The following SPHKAP variants were observed in gnomAD, a reference collection of about 807,000 sequenced individuals.
SPHKAP encodes the protein SPHK1 interactor, AKAP domain containing, also known as A-kinase anchor protein SPHKAP.
A neutral mutation model predicts 137.5 loss-of-function variants in SPHKAP; 67 were observed. The ratio of observed to expected loss-of-function variants is 0.49; its 90% CI spans 0.40 to 0.60. The LOEUF (loss-of-function observed/expected upper bound fraction) is 0.60. SPHKAP is among the 20% of genes least tolerant of loss of function. The pLI is 0.00. For missense variants in SPHKAP, 2,097 were observed against 2,069.3 expected, an observed-to-expected ratio of 1.01 and a Z score of -0.26; for synonymous variants, 813 against 785.3, an observed-to-expected ratio of 1.04 and a Z score of -0.59.
intron 3 of SPHKAP, among the ~76,000 whole-genome samples, chr2:228,075,408 C>T (rs1241171924): frequency 6.6e-6 from 1 of 151,862 alleles, no homozygotes; most frequent in Non-Finnish European, 1.5e-5. Context: ...TTTGAATTAC[C>T]AAAGGCTTGC....
At position 228,019,306 on chromosome 2, in the gene SPHKAP, T is replaced by C. The variant is rs1188791321; in HGVS notation, c.1548A>G (p.Thr516=). ...VIGTISSPQA[T]ERLKMEQVVS... ...CCACTTGCTCCATTTTGAGTCTTTCTGTGGCCTGTGGACTGGAAATAGTTC... is the reference window on the plus strand; with the variant it reads ...CCACTTGCTCCATTTTGAGTCTTTCCGTGGCCTGTGGACTGGAAATAGTTC... The change falls in exon 7 of 12, where the codon ACA becomes ACG. Residue 516 remains threonine, a synonymous_variant. Coordinates refer to ENST00000392056, the MANE Select transcript of SPHKAP (RefSeq NM_001142644.2). The C allele has an allele frequency of 1.2e-6, 2 of 1,614,048 alleles. No homozygotes were observed. Among genetic ancestry groups the C allele is most frequent in the Non-Finnish European group, 1.7e-6 (2 of 1,180,034 alleles).
At position 227,981,876 on chromosome 2, in the gene SPHKAP, G is replaced by T. The variant is rs1466428938; in HGVS notation, c.4960-16C>A. On this transcript the variant is annotated splice_polypyrimidine_tract_variant and intron_variant, in intron 11 of 11. Transcript: ENST00000392056. The stretch of plus-strand genomic sequence containing the variant: ...CATCTAGAAACTAAAATAAAACGGA[G>T]AGTTAGGGCTCACAGAGCACAGAGG... The T allele has an allele frequency of 2.5e-6, 4 of 1,610,154 alleles. No individual in the cohort carries two copies. Among genetic ancestry groups the T allele is most frequent in the Non-Finnish European group, 3.4e-6 (4 of 1,178,010 alleles).
chr2:228,162,724 G>T (rs913938940), intron 1 of SPHKAP, among the ~76,000 whole-genome samples: 1 of 152,024 alleles, frequency 6.6e-6, no homozygotes, highest in Non-Finnish European at 1.5e-5. Context: ...TTTAGACGGA[G>T]TTTTACTCTT....
chr2:228,109,175 C>T (rs764350805), intron 2 of SPHKAP: 5 of 183,850 alleles, frequency 2.7e-5, no homozygotes, highest in African/African-American at 4.8e-5. Flanking sequence ...GTTCTCTCAT[C>T]AAATCCAACA....
At chr2:228,090,041 G>T (rs551139327) in intron 3 of SPHKAP, among the ~76,000 whole-genome samples, 1 of 152,156 alleles carries the variant, frequency 6.6e-6, no homozygotes, top group Non-Finnish European at 1.5e-5. Context: ...TGGGAAGGGG[G>T]TTGCTGTCCT....
At chr2:228,149,429 G>T (rs1699866226) in intron 1 of SPHKAP, among the ~76,000 whole-genome samples, 1 of 152,188 alleles carries the variant, frequency 6.6e-6, no homozygotes, top group Admixed American at 6.5e-5. Flanking sequence ...TTGCCTGATA[G>T]TCACTGGTAA....
chr2:228,024,615 G>A (rs982294122), intron 5 of SPHKAP, among the ~76,000 whole-genome samples: 4 of 152,014 alleles, frequency 2.6e-5, no homozygotes, highest in Non-Finnish European at 5.9e-5. Context: ...ATTTTGAAGA[G>A]TTGAAGGATA....
intron 3 of SPHKAP, among the ~76,000 whole-genome samples, chr2:228,030,862 A>C (rs1695282783): frequency 6.6e-6 from 1 of 152,190 alleles, no homozygotes; most frequent in South Asian, 2.1e-4. Context: ...CTGATTTTTT[A>C]ACTTCCAGAT....
Position 228,018,933 on chromosome 2 carries a change from CCAGA to C in SPHKAP, c.1917_1920del (p.Phe639LeufsTer4), listed in dbSNP as rs1559350553. ...TCCATGATTCTCCTGTTCATGGAGT[CCAGA>C]AAGTCTCCAATGCTGCTGTAGGTAT... On this transcript the variant is annotated frameshift_variant, in exon 7 of 12. Transcript: ENST00000392056. LOFTEE classifies it high-confidence loss of function. 1 of 1,614,106 alleles carries C rather than the reference CCAGA, an allele frequency of 6.2e-7. No homozygotes were observed. The highest frequency in any genetic ancestry group is 8.5e-7 in the Non-Finnish European group (1 of 1,180,010).
Position 228,019,840 on chromosome 2 carries a change from C to G in SPHKAP, c.1014G>C (p.Leu338=), listed in dbSNP as rs1223962158. 1 of 1,614,072 alleles carries G rather than the reference C, an allele frequency of 6.2e-7. No homozygotes were observed. The highest frequency in any genetic ancestry group is 8.5e-7 in the Non-Finnish European group (1 of 1,180,038). Residue 338 remains leucine, a synonymous_variant, in exon 7 of 12, where the codon CTG becomes CTC. Coordinates refer to ENST00000392056, the MANE Select transcript of SPHKAP (RefSeq NM_001142644.2). ...AGAAATAAGCATCTTTTGGAATATA[C>G]AGTGCCTGTGATTTTTCCATTTGAC... is the stretch of plus-strand genomic sequence containing the variant. The part of the protein sequence containing the change: ...FKGQMEKSQA[L]YIPKDAYFSM...
At chr2:228,133,702 A>T (rs1699338991) in intron 1 of SPHKAP, among the ~76,000 whole-genome samples, 1 of 152,218 alleles carries the variant, frequency 6.6e-6, no homozygotes, top group South Asian at 2.1e-4. Context: ...TTAAATAAAC[A>T]ATTTATTTCT....
chr2:228,086,142 C>G (rs1203681892), intron 3 of SPHKAP, among the ~76,000 whole-genome samples: 5 of 151,926 alleles, frequency 3.3e-5, no homozygotes, highest in Non-Finnish European at 7.4e-5. Context: ...TTAGGACAAG[C>G]TTCCCAGTGA....
intron 5 of SPHKAP, among the ~76,000 whole-genome samples, chr2:228,024,342 GTT>G (rs56031418): frequency 0.015 from 1,917 of 124,522 alleles, 18 homozygotes; most frequent in Middle Eastern, 0.031. Context: ...TGCAGAGGCA[GTT>G]TTTTTTTTTT....
At chr2:227,986,847 A>T (rs1363210783) in intron 11 of SPHKAP, among the ~76,000 whole-genome samples, 1 of 152,130 alleles carries the variant, frequency 6.6e-6, no homozygotes, top group African/African-American at 2.4e-5. Context: ...AGCTCAGAGA[A>T]GCTCACTGAA....
At chr2:227,996,577 T>A (rs921290720) in intron 7 of SPHKAP, among the ~76,000 whole-genome samples, 94 of 152,310 alleles carry the variant, frequency 6.2e-4, no homozygotes, top group Non-Finnish European at 2.4e-4. Context: ...CAAGTCTGGA[T>A]CCCAGCCAGG....
chr2:227,987,810 A>G (rs1693267203), intron 11 of SPHKAP, among the ~76,000 whole-genome samples: 1 of 152,182 alleles, frequency 6.6e-6, no homozygotes, highest in Non-Finnish European at 1.5e-5. Context: ...TCACAAGGCA[A>G]GAAGGTTAGT....
intron 3 of SPHKAP, among the ~76,000 whole-genome samples, chr2:228,057,204 T>C (rs2106281630): frequency 6.6e-6 from 1 of 152,368 alleles, no homozygotes; most frequent in African/African-American, 2.4e-5. Context: ...CTATAAATCA[T>C]ACTTTAGCTA....
rs552266484 is a variant in SPHKAP at position 228,115,056 on chromosome 2, C to G, written c.139-6117G>C. Among the ~76,000 whole-genome samples, 28 of 152,244 alleles carry G rather than the reference C, an allele frequency of 1.8e-4. 1 individual carries two copies. The South Asian group carries it at 5.8e-3, about 32-fold the overall frequency. On this transcript the variant is annotated intron_variant, in intron 2 of 11. Transcript: ENST00000392056. ...GTGGATTTGTGTTGTCTGGATGTAT[C>G]AGGGCAGGTGGAGAAGACATGTCTC...
Position 228,016,456 on chromosome 2 carries a change from T to A in SPHKAP, c.4398A>T (p.Pro1466=), listed in dbSNP as rs376115586. Residue 1466 remains proline, a synonymous_variant, in exon 7 of 12, where the codon CCA becomes CCT. Coordinates refer to ENST00000392056, the MANE Select transcript of SPHKAP (RefSeq NM_001142644.2). ...AEGHSNDKNI[P]DVVRGGDTAV... ...CTGTGTCTCCACCTCTCACCACATC[T>A]GGGATGTTTTTGTCATTCGAATGCC... 70 of 1,611,768 alleles carry A rather than the reference T, an allele frequency of 4.3e-5. No individual in the cohort carries two copies. The highest frequency in any genetic ancestry group is 2.6e-5 in the Non-Finnish European group (31 of 1,179,238).
Sources: allele counts gnomAD v4.1 joint callset (sites outside exome capture counted in the v4.1 genomes callset), GRCh38; gene constraint gnomAD v4.1.1; transcripts MANE v1.5; gene names NCBI Gene and HGNC (gene_info 2026-07-23, HGNC 2026-07-21).